Variants in PIAS3 observed in about 807,000 individuals in gnomAD.
PIAS3 encodes protein inhibitor of activated STAT 3.
In PIAS3, 34 loss-of-function variants were observed where a neutral mutation model predicts 67.6. That is an observed-to-expected ratio of 0.50 (90% CI 0.38 to 0.67). PIAS3 has a LOEUF of 0.67. Ranked by LOEUF, PIAS3 falls within the 30% of genes least tolerant of loss-of-function variation. The probability of loss-of-function intolerance (pLI) is 0.00; values close to 1 mark genes in which losing one functional copy is unlikely to be tolerated. For synonymous variants in PIAS3, 341 were observed against 313.8 expected, an observed-to-expected ratio of 1.09 and a Z score of -0.92; for missense variants, 693 against 791.6, an observed-to-expected ratio of 0.88 and a Z score of 1.49.
intron 7 of PIAS3, 47 bp from the exon 8 acceptor site, chr1:145,853,933 G>A (rs1258979806): frequency 1.9e-6 from 3 of 1,564,118 alleles, no homozygotes; most frequent in Middle Eastern, 4.0e-4. Context: ...AAGGCTGGAG[G>A]AAGCCCAGGA....
At position 145,850,917 on chromosome 1, in the gene PIAS3, C is replaced by G; in HGVS notation, c.1302G>C (p.Gln434His). The change falls in exon 11 of 14, where the codon CAG (glutamine) becomes CAC (histidine). Residue 434 changes from glutamine to histidine, a missense_variant. Gln to His is a conservative substitution (Grantham distance 24). Coordinates refer to ENST00000393045, the MANE Select transcript of PIAS3 (RefSeq NM_006099.3). ...TCTTATTCTCTGATGGATCTCCCCC[C>G]TGGACTGGGCTGTACTGGAGGCCTG... ...GLDGLQYSPV[Q>H]GGDPSENKKK... The G allele has an allele frequency of 6.2e-7, 1 of 1,614,214 alleles. No homozygotes were observed. The highest frequency in any genetic ancestry group is 8.5e-7 in the Non-Finnish European group (1 of 1,180,036).
At position 145,849,552 on chromosome 1, in the gene PIAS3, C is replaced by T. The variant is rs376019570; in HGVS notation, c.1781G>A (p.Ser594Asn). Reference sequence around the variant, plus strand: ...GGCCCCCCCAGGGGCCACAATGCTGCTGACACGGCCAGGAGGGGGCGCCGG... The same window carrying T: ...GGCCCCCCCAGGGGCCACAATGCTGTTGACACGGCCAGGAGGGGGCGCCGG... ...ATPAPPPGRV[S>N]SIVAPGGALR... Residue 594 changes from serine to asparagine, a missense_variant, in exon 14 of 14, where the codon AGC (serine) becomes AAC (asparagine). Coordinates refer to ENST00000393045, the MANE Select transcript of PIAS3 (RefSeq NM_006099.3). 6.2e-7 allele frequency: 1 copy of T among 1,605,098 alleles called. No individual in the cohort carries two copies. Among genetic ancestry groups the T allele is most frequent in the Non-Finnish European group, 8.5e-7 (1 of 1,175,824 alleles).
In PIAS3 at chr1:145,854,548, C is replaced by G; in HGVS notation, c.820G>C (p.Val274Leu). The change falls in exon 7 of 14, where the codon GTG becomes CTG. Residue 274 changes from valine to leucine, a missense_variant. Val to Leu is a conservative substitution (Grantham distance 32). Transcript: ENST00000393045. Reference sequence around the variant, plus strand: ...GCAGTCAACTGCCTCACCAGGTACACAGACAAGGAGTAATTCTACTTGGAG... The same window carrying G: ...GCAGTCAACTGCCTCACCAGGTACAGAGACAAGGAGTAATTCTACTTGGAG... ...SEFGRNYSLSVYLVRQLTAGT... is the reference protein window; with the variant it reads ...SEFGRNYSLSLYLVRQLTAGT... 1 of 1,613,782 alleles carries G rather than the reference C, an allele frequency of 6.2e-7. No individual in the cohort carries two copies. The highest frequency in any genetic ancestry group is 8.5e-7 in the Non-Finnish European group (1 of 1,179,690).
Position 145,855,772 on chromosome 1 carries a change from G to C in PIAS3, c.633C>G (p.Leu211=). The change falls in exon 5 of 14, where the codon CTC becomes CTG. Residue 211 remains leucine (L), a synonymous_variant. Coordinates refer to ENST00000393045, the MANE Select transcript of PIAS3 (RefSeq NM_006099.3). ...CPQEDYFPPN[L]FVKVNGKLCP... The stretch of plus-strand genomic sequence containing the variant: ...ACAGTTTCCCATTGACCTTGACAAA[G>C]AGGTTGGGGGGAAAATAATCTTCCT... 6.2e-7 allele frequency: 1 copy of C among 1,610,478 alleles called. No homozygotes were observed. The highest frequency in any genetic ancestry group is 8.5e-7 in the Non-Finnish European group (1 of 1,176,732).
chr1:145,854,176 G>C (rs1470881790), intron 7 of PIAS3: 1 of 595,056 alleles, frequency 1.7e-6, no homozygotes, highest in African/African-American at 1.9e-5. Context: ...GGACCCCTAA[G>C]ATTCTTTCCA....
At chr1:145,857,222 C>CA (rs2101686499) in intron 1 of PIAS3, 1 of 579,640 alleles carries the variant, frequency 1.7e-6, no homozygotes, top group Non-Finnish European at 3.1e-6. Context: ...TCATCACCAC[C>CA]ACCCCCGAGC....
rs1383429239 is a variant in PIAS3 at position 145,849,282 on chromosome 1, G to T, written c.*164C>A. 5 of 560,194 alleles carry T rather than the reference G, an allele frequency of 8.9e-6. No individual in the cohort carries two copies. The highest frequency in any genetic ancestry group is 1.4e-5 in the Non-Finnish European group (5 of 347,522). The allele number at this position is 560,194 out of a possible 1,614,324, so 34.7% of individuals were successfully genotyped here. On this transcript the variant is annotated 3_prime_UTR_variant, in exon 14 of 14. Transcript: ENST00000393045. ...AAGAGGTTAAATATTAACCCTTTGG[G>T]TGCTGGCCTTGTCAGGCAGAGATGA...
Position 145,856,894 on chromosome 1 carries a change from T to C in PIAS3, c.137A>G (p.Lys46Arg), listed in dbSNP as rs1553735757. 6.2e-7 allele frequency: 1 copy of C among 1,614,134 alleles called. No individual in the cohort carries two copies. The change falls in exon 2 of 14, where the codon AAG becomes AGG. Residue 46 changes from lysine to arginine, a missense_variant. By Grantham distance (26) the Lys-to-Arg change is conservative. Coordinates refer to ENST00000393045, the MANE Select transcript of PIAS3 (RefSeq NM_006099.3). Reference protein sequence around the residue: ...ELLAKALHLLKSSCAPSVQMK... With the variant: ...ELLAKALHLLRSSCAPSVQMK... Reference sequence around the variant, plus strand: ...CTGGACACTAGGGGCACAGCTGGACTTCAGGAGGTGCAGAGCCTTGGCCAG... The same window carrying C: ...CTGGACACTAGGGGCACAGCTGGACCTCAGGAGGTGCAGAGCCTTGGCCAG...
At chr1:145,854,904 G>C (rs1553735232) in intron 5 of PIAS3, 24 bp from the exon 6 acceptor site, 1 of 1,612,880 alleles carries the variant, frequency 6.2e-7, no homozygotes, top group Non-Finnish European at 8.5e-7. Flanking sequence ...GGATTGGTCA[G>C]TGGAGAAGTG....
At position 145,853,584 on chromosome 1, in the gene PIAS3, T is replaced by C. The variant is rs1653046942; in HGVS notation, c.1065A>G (p.Leu355=). ...ATGTAGGCTTCTTCTCATTCATCTG[T>C]AGATAAAGGGCAGCATCGAAGCTCT... The part of the protein sequence containing the change: ...HLQSFDAALY[L]QMNEKKPTWT... The change falls in exon 9 of 14, where the codon CTA becomes CTG. Residue 355 remains leucine, a synonymous_variant. Coordinates refer to ENST00000393045, the MANE Select transcript of PIAS3 (RefSeq NM_006099.3). 3 of 1,614,022 alleles carry C rather than the reference T, an allele frequency of 1.9e-6. No individual in the cohort carries two copies. The highest frequency in any genetic ancestry group is 2.5e-6 in the Non-Finnish European group (3 of 1,179,964).
intron 4 of PIAS3, 43 bp from the exon 5 acceptor site, chr1:145,855,869 C>G: frequency 1.5e-6 from 2 of 1,327,312 alleles, no homozygotes; most frequent in Non-Finnish European, 2.2e-6. Flanking sequence ...GAAGAAATTT[C>G]TTAACTTGAA....
intron 13 of PIAS3, 126 bp from the exon 14 acceptor site, chr1:145,849,838 G>A (rs1652883182): frequency 6.8e-7 from 1 of 1,480,642 alleles, no homozygotes; most frequent in Admixed American, 2.5e-5. Flanking sequence ...CTCTTGAGAA[G>A]CAGGAGAGCC....
At position 145,856,783 on chromosome 1, in the gene PIAS3, C is replaced by G. The variant is rs1553735733; in HGVS notation, c.248G>C (p.Gly83Ala). The change falls in exon 2 of 14, where the codon GGC (glycine) becomes GCC (alanine). Residue 83 changes from glycine (G) to alanine (A), a missense_variant. Around this residue, in one of 3 missense-constraint regions of PIAS3, gnomAD observed 308 missense variants for 348.8 expected, o/e 0.88. Transcript: ENST00000393045. Reference protein sequence around the residue: ...SDLSLLSLPPGTSPVGSPGPL... With the variant: ...SDLSLLSLPPATSPVGSPGPL... ...ACCAGGGGAGCCTACAGGAGAGGTG[C>G]CAGGGGGCAAAGAGAGAAGGGAGAG... 6.2e-7 allele frequency: 1 copy of G among 1,613,912 alleles called. No individual in the cohort carries two copies.
rs1328126638 is a variant in PIAS3 at position 145,857,058 on chromosome 1, C to G, written c.25-52G>C. On this transcript the variant is annotated intron_variant, in intron 1 of 13. Coordinates refer to ENST00000393045, the MANE Select transcript of PIAS3 (RefSeq NM_006099.3). ...GCATCCTCCCTTGCACAGGCCTGCC[C>G]TGCCAAGACATGGGCTGAGCTACCA... The G allele has an allele frequency of 4.6e-6, 7 of 1,531,744 alleles. No individual in the cohort carries two copies. In the East Asian group the frequency reaches 1.6e-4, roughly 35 times the overall value. 94.9% of individuals were successfully genotyped at this position (1,531,744 alleles called of 1,614,324 possible). A position where few individuals can be genotyped will look rare whatever the true frequency, so the allele number is the denominator to read the frequency against.
In PIAS3 at chr1:145,850,622, C is replaced by A. The variant is rs1652918546; in HGVS notation, c.1449-36G>T. On this transcript the variant is annotated intron_variant, in intron 11 of 13. Transcript: ENST00000393045. ...AGAGGAGCTGAGGCAGCCAGCAAACCACAGATGCCCTCACCCAGCTCAGGT... is the reference window on the plus strand; with the variant it reads ...AGAGGAGCTGAGGCAGCCAGCAAACAACAGATGCCCTCACCCAGCTCAGGT... 3.1e-6 allele frequency: 5 copies of A among 1,608,582 alleles called. No individual in the cohort carries two copies. The East Asian group carries it at 8.9e-5, about 29-fold the overall frequency.
chr1:145,849,792 A>G (rs1553733715), intron 13 of PIAS3, 80 bp from the exon 14 acceptor site: 4 of 1,504,796 alleles, frequency 2.7e-6, no homozygotes, highest in African/African-American at 1.4e-5. Flanking sequence ...GAAATGCCGT[A>G]TGAGAGCAAT....
In PIAS3 at chr1:145,854,889, G is replaced by T. The variant is rs782679410; in HGVS notation, c.670-9C>A. The T allele has an allele frequency of 1.9e-6, 3 of 1,614,064 alleles. No individual in the cohort carries two copies. The highest frequency in any genetic ancestry group is 2.5e-6 in the Non-Finnish European group (3 of 1,179,962). On this transcript the variant is annotated splice_polypyrimidine_tract_variant and intron_variant, in intron 5 of 13. Coordinates refer to ENST00000393045, the MANE Select transcript of PIAS3 (RefSeq NM_006099.3). ...GTTGGGGGAAGGTAACCCTGGAGAA[G>T]GGAGGGATTGGTCAGTGGAGAAGTG... is the stretch of plus-strand genomic sequence containing the variant.
chr1:145,853,720 A>C (rs963690336), intron 8 of PIAS3, 56 bp from the exon 9 acceptor site: 86 of 1,608,344 alleles, frequency 5.3e-5, no homozygotes, highest in Admixed American at 1.7e-4. Flanking sequence ...ATCCCAGAAA[A>C]CTTCACGCCA....
rs1355330811 is a variant in PIAS3 at position 145,850,902 on chromosome 1, T to C, written c.1317A>G (p.Ser439=). ...QYSPVQGGDP[S]ENKKKVEVID... The stretch of plus-strand genomic sequence containing the variant: ...TAACTTCGACCTTCTTCTTATTCTC[T>C]GATGGATCTCCCCCCTGGACTGGGC... Residue 439 remains serine, a synonymous_variant, in exon 11 of 14, where the codon TCA becomes TCG. Coordinates refer to ENST00000393045, the MANE Select transcript of PIAS3 (RefSeq NM_006099.3). 1 of 1,614,118 alleles carries C rather than the reference T, an allele frequency of 6.2e-7. No homozygotes were observed. Among genetic ancestry groups the C allele is most frequent in the African/African-American group, 1.3e-5 (1 of 74,944 alleles).
Sources: gnomAD v4.1 joint callset for allele counts on GRCh38, gnomAD v4.1.1 for gene constraint, gnomAD v4.1.1 regional missense constraint, MANE v1.5 for transcripts, NCBI Gene and HGNC (gene_info 2026-07-23, HGNC 2026-07-21) for gene names.